Variants in PDE4B observed in about 807,000 individuals in gnomAD.
PDE4B encodes phosphodiesterase 4B, also known as 3',5'-cyclic-AMP phosphodiesterase 4B.
PDE4B carries 20 observed loss-of-function variants against 82.2 expected under a neutral mutation model. That is an observed-to-expected ratio of 0.24 (90% CI 0.17 to 0.35). The LOEUF (loss-of-function observed/expected upper bound fraction) is 0.35. PDE4B is among the 10% of genes least tolerant of loss of function. The probability of loss-of-function intolerance (pLI) is 1.00; values close to 1 mark genes in which losing one functional copy is unlikely to be tolerated. For synonymous variants in PDE4B, 320 were observed against 318.9 expected (o/e 1.00, Z -0.04); for missense variants, 655 against 907.2 (o/e 0.72, Z 3.57).
At chr1:65,801,592 T>C (rs934779869) in intron 1 of PDE4B, among the ~76,000 whole-genome samples, 1 of 152,214 alleles carries the variant, frequency 6.6e-6, no homozygotes, top group Non-Finnish European at 1.5e-5. Flanking sequence ...GCATGAAGAA[T>C]AGCATGAGAC....
At chr1:65,883,828 C>G (rs747290585) in intron 1 of PDE4B, among the ~76,000 whole-genome samples, 1 of 152,080 alleles carries the variant, frequency 6.6e-6, no homozygotes, top group African/African-American at 2.4e-5. Flanking sequence ...TGAGATACGT[C>G]CCATCAATAC....
At chr1:66,260,254 T>G (rs559768792) in intron 6 of PDE4B, among the ~76,000 whole-genome samples, 3 of 152,332 alleles carry the variant, frequency 2.0e-5, no homozygotes, top group Non-Finnish European at 2.9e-5. Context: ...ACGTACAGCT[T>G]CCAGTGGGCA....
intron 3 of PDE4B, among the ~76,000 whole-genome samples, chr1:66,131,418 A>G (rs1000694850): frequency 4.0e-5 from 6 of 151,460 alleles, no homozygotes; most frequent in Non-Finnish European, 8.8e-5. Flanking sequence ...ATGAGAAATC[A>G]TGTTTAAAGA....
intron 4 of PDE4B, among the ~76,000 whole-genome samples, chr1:66,253,443 A>G (rs1211767743): frequency 6.6e-6 from 1 of 152,240 alleles, no homozygotes; most frequent in Non-Finnish European, 1.5e-5. Flanking sequence ...ATGACTCAGT[A>G]CTAAGACTGG....
At chr1:66,063,248 G>A (rs904350693) in intron 3 of PDE4B, among the ~76,000 whole-genome samples, 11 of 152,072 alleles carry the variant, frequency 7.2e-5, no homozygotes, top group Admixed American at 2.0e-4. Context: ...ATGACAAAAG[G>A]TTAGAGCAAA....
rs147346786 is a variant in PDE4B at position 66,263,507 on chromosome 1, A to G, written c.585-2531A>G. 4.9e-4 allele frequency among the ~76,000 whole-genome samples: 74 copies of G among 152,348 alleles called. 2 individuals carry two copies. In the East Asian group the frequency reaches 6.9e-3, roughly 14 times the overall value. On this transcript the variant is annotated intron_variant, in intron 6 of 16. Transcript: ENST00000341517. ...CACTTTCACATCAGTGGGTTATTCA[A>G]TCTACATTCTATTAACATTTTGGAG... is the stretch of plus-strand genomic sequence containing the variant.
intron 3 of PDE4B, among the ~76,000 whole-genome samples, chr1:65,929,230 G>A (rs1222885541): frequency 2.0e-5 from 3 of 152,140 alleles, no homozygotes; most frequent in East Asian, 1.9e-4. Context: ...TGCCTCAGGC[G>A]GCACAGGGTT....
intron 8 of PDE4B, among the ~76,000 whole-genome samples, chr1:66,351,678 G>A (rs1195762693): frequency 6.6e-6 from 1 of 152,152 alleles, no homozygotes; most frequent in African/African-American, 2.4e-5. Flanking sequence ...TGTTAGGGTT[G>A]ATCATTCTCA....
chr1:66,083,927 A>C (rs1015680304), intron 3 of PDE4B, among the ~76,000 whole-genome samples: 1 of 152,160 alleles, frequency 6.6e-6, no homozygotes, highest in Non-Finnish European at 1.5e-5. Context: ...TATATTAAGC[A>C]TGAACACTCC....
chr1:66,309,957 G>A (rs1008629981), intron 7 of PDE4B, among the ~76,000 whole-genome samples: 3 of 152,116 alleles, frequency 2.0e-5, no homozygotes, highest in African/African-American at 7.2e-5. Flanking sequence ...CTCTCCCACT[G>A]TTTTGTTACT....
At chr1:65,979,425 C>T (rs932775100) in intron 3 of PDE4B, among the ~76,000 whole-genome samples, 1 of 152,192 alleles carries the variant, frequency 6.6e-6, no homozygotes, top group Non-Finnish European at 1.5e-5. Context: ...AAGTTCATGT[C>T]TGCTTTGCCT....
intron 3 of PDE4B, among the ~76,000 whole-genome samples, chr1:66,225,185 AG>A (rs1213373419): frequency 6.6e-6 from 1 of 152,082 alleles, no homozygotes; most frequent in Admixed American, 6.5e-5. Context: ...AACCTCCTCC[AG>A]TTACTGTGTC....
chr1:65,819,504 GTTT>G (rs35338207), intron 1 of PDE4B, among the ~76,000 whole-genome samples: 1 of 114,170 alleles, frequency 8.8e-6, no homozygotes, highest in African/African-American at 3.0e-5. Flanking sequence ...TTTTTGTTTT[GTTT>G]TTTTTTTTTT....
chr1:65,903,575 G>A (rs1430367288), intron 1 of PDE4B, among the ~76,000 whole-genome samples: 1 of 151,944 alleles, frequency 6.6e-6, no homozygotes, highest in African/African-American at 2.4e-5. Context: ...GCAAGAGCCT[G>A]TCTCAAAATA....
At chr1:65,928,435 T>C (rs1647641967) in intron 3 of PDE4B, among the ~76,000 whole-genome samples, 1 of 152,202 alleles carries the variant, frequency 6.6e-6, no homozygotes, top group Non-Finnish European at 1.5e-5. Flanking sequence ...CCATTCTGAT[T>C]GCCACTTTGC....
intron 3 of PDE4B, among the ~76,000 whole-genome samples, chr1:65,924,715 G>A (rs1288306951): frequency 6.6e-6 from 1 of 152,186 alleles, no homozygotes; most frequent in East Asian, 1.9e-4. Flanking sequence ...GGGCAGAACT[G>A]CTTCCAACCT....
chr1:65,795,681 G>A lies in PDE4B; in HGVS notation c.-71+2433G>A, dbSNP rs570296773. ...GTGGGAGTATAAAGGTTGGGCCATT[G>A]CAGCACAACTCTGGAAAACTCTGAA... is the stretch of plus-strand genomic sequence containing the variant. On this transcript the variant is annotated intron_variant, in intron 1 of 16. Coordinates refer to ENST00000341517, the MANE Select transcript of PDE4B (RefSeq NM_002600.4). Among the ~76,000 whole-genome samples, 17 of 152,356 alleles carry A rather than the reference G, an allele frequency of 1.1e-4. No individual in the cohort carries two copies. In the South Asian group the frequency reaches 3.1e-3, roughly 28 times the overall value.
In PDE4B at chr1:66,229,353, C is replaced by T. The variant is rs72924428; in HGVS notation, c.282-18107C>T. On this transcript the variant is annotated intron_variant, in intron 3 of 16. Transcript: ENST00000341517. ...CATCTCATTGGCCAGAACTATGCCA[C>T]TTGGACACTCTCAGCCTCAGGCAGA... 9.7e-3 allele frequency among the ~76,000 whole-genome samples: 1,472 copies of T among 152,332 alleles called. 21 individuals carry two copies. Among genetic ancestry groups the T allele is most frequent in the African/African-American group, 0.033 (1,385 of 41,558 alleles).
intron 1 of PDE4B, among the ~76,000 whole-genome samples, chr1:65,804,567 A>G (rs1645732684): frequency 6.6e-6 from 1 of 152,210 alleles, no homozygotes; most frequent in Admixed American, 6.5e-5. Flanking sequence ...TGGTAGTAGC[A>G]GTAGCAGCAA....
Sources: allele counts gnomAD v4.1 joint callset (sites outside exome capture counted in the v4.1 genomes callset), GRCh38; gene constraint gnomAD v4.1.1; transcripts MANE v1.5; gene names NCBI Gene and HGNC (gene_info 2026-07-23, HGNC 2026-07-21).